ROBO1: variants seen among roughly 807,000 people sequenced by gnomAD.
ROBO1 encodes roundabout homolog 1.
Under a neutral mutation model 195.9 loss-of-function variants are expected in ROBO1, and 149 were observed. The ratio of observed to expected loss-of-function variants is 0.76; its 90% CI spans 0.67 to 0.87. ROBO1 has a LOEUF of 0.87. ROBO1 is among the 40% of genes least tolerant of loss of function. ROBO1 has a pLI of 0.00. For missense variants in ROBO1, 1,933 were observed against 2,068.3 expected (o/e 0.93, Z 1.27); for synonymous variants, 816 against 733.2 (o/e 1.11, Z -1.82).
chr3:78,707,929 G>A (rs764094547), intron 8 of ROBO1, among the ~76,000 whole-genome samples: 4 of 152,128 alleles, frequency 2.6e-5, no homozygotes, highest in Admixed American at 1.3e-4. Context: ...TTCAACTCAG[G>A]GAGATAAAAG....
intron 4 of ROBO1, among the ~76,000 whole-genome samples, chr3:78,760,912 T>C (rs2108366143): frequency 6.6e-6 from 1 of 152,274 alleles, no homozygotes; most frequent in South Asian, 2.1e-4. Flanking sequence ...ATATGTGTTT[T>C]CTTTTTTTTT....
intron 2 of ROBO1, chr3:79,533,221 T>C (rs1254488518): frequency 1.1e-5 from 2 of 174,486 alleles, no homozygotes; most frequent in Admixed American, 6.4e-5. Context: ...ACTAATGGTT[T>C]CTCCTGGTGA....
At chr3:78,756,324 C>T (rs1057130453) in intron 4 of ROBO1, among the ~76,000 whole-genome samples, 3 of 151,884 alleles carry the variant, frequency 2.0e-5, no homozygotes, top group African/African-American at 7.3e-5. Context: ...AAATCAATAA[C>T]AATAAAATGA....
At chr3:79,683,309 A>C (rs1275655665) in intron 1 of ROBO1, among the ~76,000 whole-genome samples, 1 of 152,030 alleles carries the variant, frequency 6.6e-6, no homozygotes, top group African/African-American at 2.4e-5. Flanking sequence ...CATAATAAGT[A>C]TATAACTCTA....
chr3:79,410,919 T>C, intron 2 of ROBO1, among the ~76,000 whole-genome samples: 1 of 152,100 alleles, frequency 6.6e-6, no homozygotes, highest in East Asian at 1.9e-4. Context: ...ACAAAAGTCA[T>C]AAGATTAGCA....
At chr3:79,177,451 T>C (rs2081276929) in intron 2 of ROBO1, among the ~76,000 whole-genome samples, 1 of 152,160 alleles carries the variant, frequency 6.6e-6, no homozygotes, top group South Asian at 2.1e-4. Context: ...ATATATAGGA[T>C]GGGCGGACCC....
intron 8 of ROBO1, among the ~76,000 whole-genome samples, chr3:78,712,211 C>T (rs899025202): frequency 1.3e-5 from 2 of 152,070 alleles, no homozygotes; most frequent in Non-Finnish European, 2.9e-5. Context: ...ATTAAATACT[C>T]ATTGTATGAG....
At chr3:78,681,451 G>A (rs1041391128) in intron 10 of ROBO1, among the ~76,000 whole-genome samples, 3 of 152,136 alleles carry the variant, frequency 2.0e-5, no homozygotes, top group Admixed American at 6.5e-5. Context: ...AATGTCTAAC[G>A]AAGAACATAG....
intron 5 of ROBO1, among the ~76,000 whole-genome samples, chr3:78,722,847 A>T (rs1308569561): frequency 2.0e-5 from 3 of 152,106 alleles, no homozygotes; most frequent in African/African-American, 7.2e-5. Flanking sequence ...CAACTCTAAA[A>T]TGGGAATCCT....
intron 1 of ROBO1, among the ~76,000 whole-genome samples, chr3:79,610,147 A>C (rs989739673): frequency 6.6e-6 from 1 of 151,908 alleles, no homozygotes; most frequent in Non-Finnish European, 1.5e-5. Flanking sequence ...TCATCAATAC[A>C]GTCGTCTCTC....
At chr3:79,571,275 C>T (rs1943270600) in intron 2 of ROBO1, among the ~76,000 whole-genome samples, 1 of 151,864 alleles carries the variant, frequency 6.6e-6, no homozygotes, top group Non-Finnish European at 1.5e-5. Flanking sequence ...CAGATGAATC[C>T]CATGTTACTA....
chr3:78,661,402 T>C (rs567388551), intron 15 of ROBO1, 141 bp from the exon 16 acceptor site: 38 of 483,378 alleles, frequency 7.9e-5, no homozygotes, highest in Non-Finnish European at 1.3e-4. Flanking sequence ...GTGTAAGAAT[T>C]AGAAAGGAAA....
chr3:79,348,307 T>C (rs1243467313), intron 2 of ROBO1, among the ~76,000 whole-genome samples: 1 of 151,758 alleles, frequency 6.6e-6, no homozygotes, highest in East Asian at 1.9e-4. Flanking sequence ...TCTGTTACAT[T>C]GAGACACACA....
At chr3:79,484,751 C>CTTTTTTTTTTTTTTTTTTTTTTTT (rs1559932529) in intron 2 of ROBO1, among the ~76,000 whole-genome samples, 2 of 20,654 alleles carry the variant, frequency 9.7e-5, no homozygotes, top group Admixed American at 6.1e-4. Flanking sequence ...TATCATTGCA[C>CTTTTTTTTTTTTTTTTTTTTTTTT]TATCTTTTTT....
intron 2 of ROBO1, among the ~76,000 whole-genome samples, chr3:79,464,843 A>G (rs993238399): frequency 5.5e-4 from 83 of 152,260 alleles, no homozygotes; most frequent in African/African-American, 1.9e-3. Flanking sequence ...AGCGGGCATT[A>G]ATTCTTTCAT....
At chr3:78,817,978 C>CAAATT (rs1448238663) in intron 4 of ROBO1, among the ~76,000 whole-genome samples, 2 of 152,160 alleles carry the variant, frequency 1.3e-5, no homozygotes, top group Admixed American at 1.3e-4. Context: ...TTAGTCCCCA[C>CAAATT]TGGTTATATC....
At chr3:79,159,138 C>G (rs1194628124) in intron 2 of ROBO1, among the ~76,000 whole-genome samples, 1 of 151,960 alleles carries the variant, frequency 6.6e-6, no homozygotes, top group Non-Finnish European at 1.5e-5. Flanking sequence ...ATAGCTTACT[C>G]TGCAAGAGCT....
In ROBO1 at chr3:79,257,432, A is replaced by C. The variant is rs553943066; in HGVS notation, c.89-131893T>G. On this transcript the variant is annotated intron_variant, in intron 2 of 30. Transcript: ENST00000464233. ...AAATTAGATCTTGAAATAATCGTAT[A>C]AACTGGAATTCCCACTCTTTTAGCC... 4.6e-5 allele frequency among the ~76,000 whole-genome samples: 7 copies of C among 152,270 alleles called. No individual in the cohort carries two copies. In the East Asian group the frequency reaches 9.7e-4, roughly 21 times the overall value.
At chr3:78,825,066 T>A (rs2031459748) in intron 4 of ROBO1, among the ~76,000 whole-genome samples, 1 of 152,196 alleles carries the variant, frequency 6.6e-6, no homozygotes, top group African/African-American at 2.4e-5. Context: ...TTTAACACTA[T>A]CACTCTAACA....
Sources: allele counts gnomAD v4.1 joint callset (sites outside exome capture counted in the v4.1 genomes callset), GRCh38; gene constraint gnomAD v4.1.1; transcripts MANE v1.5; gene names NCBI Gene and HGNC (gene_info 2026-07-23, HGNC 2026-07-21).